The following ZFHX3 variants were observed in gnomAD, a reference collection of about 807,000 sequenced individuals.
ZFHX3 encodes zinc finger homeobox protein 3.
A neutral mutation model predicts 279.1 loss-of-function variants in ZFHX3; 42 were observed. That is an observed-to-expected ratio of 0.15 (90% CI 0.12 to 0.19). The LOEUF is 0.19. Among genes scored for constraint, ZFHX3 ranks in the 10% least tolerant of loss-of-function variants. The pLI is 1.00. For missense variants in ZFHX3, 4,981 were observed against 4,754.0 expected (o/e 1.05, Z -1.40); for synonymous variants, 2,293 against 1,957.8 (o/e 1.17, Z -4.52).
At chr16:73,161,424 A>G (rs2144856670) in intron 5 of ZFHX3, among the ~76,000 whole-genome samples, 1 of 152,340 alleles carries the variant, frequency 6.6e-6, no homozygotes, top group Admixed American at 6.5e-5. Context: ...TTCCACGTGC[A>G]TGCTCATTTA....
chr16:73,875,463 A>C (rs2029917869), intron 1 of ZFHX3, among the ~76,000 whole-genome samples: 1 of 152,142 alleles, frequency 6.6e-6, no homozygotes, highest in South Asian at 2.1e-4. Context: ...AAAATACAGC[A>C]TATAAAAATA....
chr16:73,694,382 C>T (rs556182638), intron 1 of ZFHX3, among the ~76,000 whole-genome samples: 46 of 152,074 alleles, frequency 3.0e-4, no homozygotes, highest in African/African-American at 7.9e-4. Context: ...CTTGCTCTGT[C>T]GCCCAGGCTG....
At chr16:73,317,999 T>A (rs940364764) in intron 4 of ZFHX3, among the ~76,000 whole-genome samples, 52 of 152,158 alleles carry the variant, frequency 3.4e-4, no homozygotes, top group African/African-American at 1.1e-3. Flanking sequence ...ATTTGGGTTA[T>A]GAGTCCTTAC....
At chr16:73,351,420 C>A (rs537882083) in intron 3 of ZFHX3, among the ~76,000 whole-genome samples, 2 of 152,194 alleles carry the variant, frequency 1.3e-5, no homozygotes, top group East Asian at 3.9e-4. Context: ...AGTCAGTTCA[C>A]GGCGGCCCCT....
intron 3 of ZFHX3, among the ~76,000 whole-genome samples, chr16:72,896,345 C>G (rs1050556125): frequency 1.3e-5 from 2 of 152,176 alleles, no homozygotes; most frequent in African/African-American, 4.8e-5. Flanking sequence ...GCTTCTGACA[C>G]GAAAACATCT....
Position 73,023,170 on chromosome 16 carries a change from T to C in ZFHX3, c.-50+24582A>G, listed in dbSNP as rs144768201. ...TGAACCTCGGAGGCAGAGGCTGCAG[T>C]GAGCTGAGATCGCACTGCTGCACTC... On this transcript the variant is annotated intron_variant, in intron 1 of 9. Coordinates refer to ENST00000268489, the MANE Select transcript of ZFHX3 (RefSeq NM_006885.4). 1.5e-3 allele frequency among the ~76,000 whole-genome samples: 226 copies of C among 152,324 alleles called. 8 individuals carry two copies. In the East Asian group the frequency reaches 0.038, roughly 25 times the overall value.
chr16:73,105,262 C>T (rs1567389677), intron 7 of ZFHX3, among the ~76,000 whole-genome samples: 1 of 147,294 alleles, frequency 6.8e-6, no homozygotes, highest in South Asian at 2.1e-4. Flanking sequence ...TATATATATG[C>T]ATATATATAT....
At chr16:73,769,040 T>A (rs775582263) in intron 1 of ZFHX3, among the ~76,000 whole-genome samples, 6 of 152,116 alleles carry the variant, frequency 3.9e-5, no homozygotes, top group Non-Finnish European at 7.4e-5. Context: ...ACTTAAAAAA[T>A]GATTCATTGT....
intron 1 of ZFHX3, among the ~76,000 whole-genome samples, chr16:73,687,846 C>CAAAAAA (rs535371406): frequency 2.2e-4 from 14 of 63,924 alleles, no homozygotes; most frequent in African/African-American, 6.6e-4. Flanking sequence ...GACTCTGTCT[C>CAAAAAA]AAAAAAAAAA....
At chr16:73,761,730 G>A (rs1415007439) in intron 1 of ZFHX3, among the ~76,000 whole-genome samples, 1 of 152,088 alleles carries the variant, frequency 6.6e-6, no homozygotes, top group African/African-American at 2.4e-5. Flanking sequence ...ACAAGAAATG[G>A]GAAAAGGACT....
At chr16:73,478,407 A>C (rs77466086) in intron 2 of ZFHX3, among the ~76,000 whole-genome samples, 13 of 151,950 alleles carry the variant, frequency 8.6e-5, no homozygotes, top group South Asian at 2.1e-4. Flanking sequence ...CTGCTAGTTT[A>C]TTTTAATGCA....
At chr16:73,660,123 C>T (rs547578480) in intron 2 of ZFHX3, among the ~76,000 whole-genome samples, 15 of 152,092 alleles carry the variant, frequency 9.9e-5, no homozygotes, top group African/African-American at 2.9e-4. Context: ...TTTATTCACC[C>T]GAGGCAAAAT....
chr16:72,863,293 A>C (rs2037928171), intron 4 of ZFHX3, among the ~76,000 whole-genome samples: 1 of 147,470 alleles, frequency 6.8e-6, no homozygotes, highest in Non-Finnish European at 1.5e-5. Context: ...GCTTGAGCTC[A>C]GGAATTCAAG....
intron 2 of ZFHX3, among the ~76,000 whole-genome samples, chr16:73,669,073 AT>A (rs924310429): frequency 4.1e-5 from 4 of 96,822 alleles, no homozygotes; most frequent in Non-Finnish European, 4.6e-5. Flanking sequence ...TCTATTTTCT[AT>A]TTTTTTTTAA....
chr16:73,352,121 G>A (rs1360441253), intron 3 of ZFHX3, among the ~76,000 whole-genome samples: 3 of 152,064 alleles, frequency 2.0e-5, no homozygotes. Context: ...TTTCAGTCTG[G>A]GGAATCGCCA....
chr16:73,413,755 T>G (rs1236089854), intron 3 of ZFHX3, among the ~76,000 whole-genome samples: 1 of 152,202 alleles, frequency 6.6e-6, no homozygotes, highest in Non-Finnish European at 1.5e-5. Flanking sequence ...GCATTGTTCA[T>G]GTTATGCATT....
intron 1 of ZFHX3, among the ~76,000 whole-genome samples, chr16:73,846,923 T>C (rs142039569): frequency 6.6e-6 from 1 of 152,206 alleles, no homozygotes; most frequent in East Asian, 1.9e-4. Flanking sequence ...TTAAACTTGT[T>C]TTTAAATAGT....
chr16:73,618,648 T>C (rs2052328561), intron 2 of ZFHX3, among the ~76,000 whole-genome samples: 1 of 152,214 alleles, frequency 6.6e-6, no homozygotes, highest in African/African-American at 2.4e-5. Flanking sequence ...CCAGCTCCCT[T>C]AGTTTATATC....
chr16:73,596,240 G>T (rs1051864805), intron 2 of ZFHX3, among the ~76,000 whole-genome samples: 4 of 151,986 alleles, frequency 2.6e-5, no homozygotes, highest in African/African-American at 4.8e-5. Context: ...CCACATGTTA[G>T]TCTCTATCTC....
Sources: gnomAD v4.1 joint callset for allele counts (sites outside exome capture counted in the v4.1 genomes callset) on GRCh38, gnomAD v4.1.1 for gene constraint, MANE v1.5 for transcripts, NCBI Gene and HGNC (gene_info 2026-07-23, HGNC 2026-07-21) for gene names.